Variants in GRID2 observed in about 807,000 individuals in gnomAD.
GRID2 encodes glutamate receptor ionotropic, delta-2.
GRID2 carries 33 observed loss-of-function variants against 114.8 expected under a neutral mutation model. That is an observed-to-expected ratio of 0.29 (90% CI 0.22 to 0.38). GRID2 has a LOEUF of 0.38. GRID2 is among the 10% of genes least tolerant of loss of function. GRID2 has a pLI of 1.00. For synonymous variants in GRID2, 505 were observed against 449.9 expected (o/e 1.12, Z -1.55); for missense variants, 1,184 against 1,257.7 (o/e 0.94, Z 0.89).
chr4:92,382,186 A>G (rs924986259), intron 1 of GRID2, among the ~76,000 whole-genome samples: 1 of 152,004 alleles, frequency 6.6e-6, no homozygotes, highest in Non-Finnish European at 1.5e-5. Context: ...TATTGAGCCC[A>G]TAAAATTATG....
chr4:92,667,470 A>G (rs1706791503), intron 2 of GRID2, among the ~76,000 whole-genome samples: 1 of 150,706 alleles, frequency 6.6e-6, no homozygotes, highest in Non-Finnish European at 1.5e-5. Flanking sequence ...ATTAGAAGAT[A>G]CACATTATTT....
rs1745479301 is a variant in GRID2, at chr4:92,874,297, G to A, written c.245-210698G>A. Among the ~76,000 whole-genome samples the A allele has an allele frequency of 2.6e-5, 4 of 152,162 alleles. No individual in the cohort carries two copies. In the South Asian group the frequency reaches 8.3e-4, roughly 32 times the overall value. Reference sequence around the variant, plus strand: ...AATTAGTAGCCTCTTCATGAAGATAGGACTGAGTATTTTGCATAAGACATT... The same window carrying A: ...AATTAGTAGCCTCTTCATGAAGATAAGACTGAGTATTTTGCATAAGACATT... On this transcript the variant is annotated intron_variant, in intron 2 of 15. Coordinates refer to ENST00000282020, the MANE Select transcript of GRID2 (RefSeq NM_001510.4).
chr4:92,446,418 A>G (rs1448500720), intron 1 of GRID2, among the ~76,000 whole-genome samples: 3 of 152,212 alleles, frequency 2.0e-5, no homozygotes, highest in African/African-American at 4.8e-5. Flanking sequence ...GAGAAGAGAG[A>G]GCAGAAAGTG....
intron 1 of GRID2, among the ~76,000 whole-genome samples, chr4:92,460,191 A>G (rs1473470746): frequency 6.6e-6 from 1 of 151,130 alleles, no homozygotes; most frequent in Non-Finnish European, 1.5e-5. Context: ...AAAGTCACTC[A>G]ATGTATATGT....
rs1054763342 is a variant in GRID2 at position 93,152,406 on chromosome 4, A to T, written c.735+41453A>T. Among the ~76,000 whole-genome samples the T allele has an allele frequency of 5.9e-5, 9 of 152,136 alleles. No individual in the cohort carries two copies. The East Asian group carries it at 1.7e-3, about 29-fold the overall frequency. On this transcript the variant is annotated intron_variant, in intron 4 of 15. Coordinates refer to ENST00000282020, the MANE Select transcript of GRID2 (RefSeq NM_001510.4). ...GTGGTTGTTTACTCTTGATTTAAAA[A>T]CATGAAGACAAAGAGTACATGATTG...
intron 2 of GRID2, among the ~76,000 whole-genome samples, chr4:92,861,303 C>A (rs1744515273): frequency 6.6e-6 from 1 of 151,962 alleles, no homozygotes; most frequent in South Asian, 2.1e-4. Flanking sequence ...CCTTAATCTC[C>A]CTATCGAAAA....
intron 6 of GRID2, among the ~76,000 whole-genome samples, chr4:93,220,730 C>T (rs1201355275): frequency 6.6e-6 from 1 of 152,078 alleles, no homozygotes; most frequent in Admixed American, 6.6e-5. Flanking sequence ...ATTGTAGAAC[C>T]AGATGAATAT....
intron 11 of GRID2, among the ~76,000 whole-genome samples, chr4:93,469,126 A>G (rs1724560261): frequency 6.6e-6 from 1 of 152,072 alleles, no homozygotes; most frequent in South Asian, 2.1e-4. Context: ...ATGACTCCTG[A>G]AGAAGGCCAT....
intron 11 of GRID2, among the ~76,000 whole-genome samples, chr4:93,479,279 C>T (rs1005758535): frequency 1.3e-5 from 2 of 151,922 alleles, no homozygotes; most frequent in Admixed American, 1.3e-4. Flanking sequence ...TGGTGCTTTG[C>T]AACACGGGGT....
Position 92,913,950 on chromosome 4 carries a change from T to C in GRID2, c.245-171045T>C, listed in dbSNP as rs570885055. Among the ~76,000 whole-genome samples, 11 of 152,214 alleles carry C rather than the reference T, an allele frequency of 7.2e-5. No homozygotes were observed. In the East Asian group the frequency reaches 1.7e-3, roughly 24 times the overall value. ...TACAGAATTATTTTAAAAATTATAA[T>C]TAGCAAGTCTGCTAGTCATTCATAG... is the stretch of plus-strand genomic sequence containing the variant. On this transcript the variant is annotated intron_variant, in intron 2 of 15. Transcript: ENST00000282020.
chr4:92,926,131 C>T (rs990437079), intron 2 of GRID2, among the ~76,000 whole-genome samples: 2 of 151,854 alleles, frequency 1.3e-5, no homozygotes, highest in African/African-American at 4.8e-5. Context: ...TTATAAAACA[C>T]TTCTAATGGT....
intron 2 of GRID2, among the ~76,000 whole-genome samples, chr4:92,662,931 T>A (rs1414789930): frequency 5.3e-5 from 8 of 151,234 alleles, no homozygotes; most frequent in African/African-American, 1.9e-4. Context: ...CCTCTAATTG[T>A]GAAGTCAAAA....
chr4:93,224,774 A>C lies in GRID2; in HGVS notation c.1124A>C (p.Lys375Thr), dbSNP rs774338834. 6.2e-7 allele frequency: 1 copy of C among 1,601,916 alleles called. No individual in the cohort carries two copies. The highest frequency in any genetic ancestry group is 8.5e-7 in the Non-Finnish European group (1 of 1,172,212). The change falls in exon 7 of 16, where the codon AAG (lysine) becomes ACG (threonine). Residue 375 changes from lysine (K) to threonine (T), a missense_variant and splice_region_variant. Lys to Thr is a moderately conservative substitution (Grantham distance 78, BLOSUM62 -1). Around this residue, in one of 3 missense-constraint regions of GRID2, gnomAD observed 717 missense variants for 796.9 expected, o/e 0.90. Transcript: ENST00000282020. Reference protein sequence around the residue: ...GGRSMLETIKKGGVSGLTGEL... With the variant: ...GGRSMLETIKTGGVSGLTGEL... ...CGCTCCATGTTGGAGACCATCAAGA[A>C]GGTAACTTCTTAATTTTCATGTAAA...
At chr4:92,718,885 T>A (rs1465636068) in intron 2 of GRID2, among the ~76,000 whole-genome samples, 1 of 152,044 alleles carries the variant, frequency 6.6e-6, no homozygotes, top group Non-Finnish European at 1.5e-5. Flanking sequence ...TATTAAAGAT[T>A]AAAATCTACA....
At chr4:93,761,996 C>T (rs1401118724) in intron 14 of GRID2, among the ~76,000 whole-genome samples, 6 of 152,190 alleles carry the variant, frequency 3.9e-5, no homozygotes, top group South Asian at 4.2e-4. Flanking sequence ...GCTTCTGCTT[C>T]GATGCAAGAT....
chr4:92,328,798 G>A (rs1275180121), intron 1 of GRID2, among the ~76,000 whole-genome samples: 2 of 151,992 alleles, frequency 1.3e-5, no homozygotes, highest in Non-Finnish European at 2.9e-5. Context: ...GAATCTTTTA[G>A]GAGTGTGCTT....
At chr4:92,746,832 A>G (rs1737170026) in intron 2 of GRID2, among the ~76,000 whole-genome samples, 1 of 152,076 alleles carries the variant, frequency 6.6e-6, no homozygotes, top group South Asian at 2.1e-4. Flanking sequence ...GCCTGAAATT[A>G]CATGTCACTC....
intron 4 of GRID2, among the ~76,000 whole-genome samples, chr4:93,112,468 G>A (rs76104486): frequency 0.052 from 7,903 of 152,062 alleles, 322 homozygotes; most frequent in East Asian, 0.19. Flanking sequence ...TTTAAATGTG[G>A]CAGTTTCTGC....
intron 2 of GRID2, among the ~76,000 whole-genome samples, chr4:92,785,165 TTATA>T (rs1405144964): frequency 6.6e-6 from 1 of 150,768 alleles, no homozygotes; most frequent in East Asian, 2.0e-4. Context: ...AATCCAAACA[TTATA>T]TAGATTGTTT....
Sources: allele counts gnomAD v4.1 joint callset (sites outside exome capture counted in the v4.1 genomes callset), GRCh38; gene constraint gnomAD v4.1.1; regional missense constraint gnomAD v4.1.1; transcripts MANE v1.5; gene names NCBI Gene and HGNC (gene_info 2026-07-23, HGNC 2026-07-21).